NEB: variants seen among roughly 807,000 people sequenced by gnomAD.
NEB encodes the protein nebulin, also known as nemaline myopathy type 2.
Under a neutral mutation model 952.2 loss-of-function variants are expected in NEB, and 512 were observed. The ratio of observed to expected loss-of-function variants is 0.54; its 90% CI spans 0.50 to 0.58. The LOEUF is 0.58. Among genes scored for constraint, NEB ranks in the 20% least tolerant of loss-of-function variants. The probability of loss-of-function intolerance (pLI) is 0.00; values close to 1 mark genes in which losing one functional copy is unlikely to be tolerated. For synonymous variants in NEB, 2,900 were observed against 3,149.8 expected (o/e 0.92, Z 2.66); for missense variants, 8,428 against 9,231.1 (o/e 0.91, Z 3.56).
intron 41 of NEB, among the ~76,000 whole-genome samples, chr2:151,665,745 C>A (rs148330973): frequency 3.9e-5 from 6 of 152,046 alleles, no homozygotes; most frequent in Non-Finnish European, 8.8e-5. Context: ...CCTGACCCAG[C>A]AATTCCTTTA....
intron 177 of NEB, 30 bp downstream of exon 177, chr2:151,492,357 C>T: frequency 6.3e-7 from 1 of 1,587,788 alleles, no homozygotes. Flanking sequence ...TGACAGGCAG[C>T]CAGCCAATCC....
At chr2:151,657,925 C>T in intron 48 of NEB, 58 bp downstream of exon 48, 2 of 1,218,420 alleles carry the variant, frequency 1.6e-6, no homozygotes, top group African/African-American at 1.5e-5. Context: ...GAACTCAGCC[C>T]TTATTATTTC....
rs527519394 is a variant in NEB, at chr2:151,527,205, G to T, written c.21841-183C>A. 3.3e-5 allele frequency among the ~76,000 whole-genome samples: 5 copies of T among 151,518 alleles called. No individual in the cohort carries two copies. The East Asian group carries it at 9.7e-4, about 29-fold the overall frequency. ...TCCTCCTTTTCAGCCTAGCTGCCAG[G>T]ACCAAGCCCCTCCATCCCCAGTCTT... On this transcript the variant is annotated intron_variant, in intron 147 of 181. Coordinates refer to ENST00000397345, the MANE Select transcript of NEB (RefSeq NM_001164508.2).
At chr2:151,565,891 A>C in intron 114 of NEB, 71 bp from the exon 115 acceptor site, 2 of 1,001,274 alleles carry the variant, frequency 2.0e-6, no homozygotes, top group Non-Finnish European at 3.0e-6. Context: ...GGCAGGTTAC[A>C]ATTTTTTCAG....
rs761933895 is a variant in NEB, at chr2:151,547,516, G to A, written c.20280C>T (p.Asp6760=). 4.4e-6 allele frequency: 7 copies of A among 1,605,110 alleles called. No individual in the cohort carries two copies. In the East Asian group the frequency reaches 1.3e-4, roughly 31 times the overall value. ...EAVSELIYKS[D]FFKMQGHMIS... ...TCATGTGGCCCTGCATCTTGAAGAA[G>A]TCTGATTTGTAGATCAACTAAAGAA... The change falls in exon 133 of 182, where the codon GAC becomes GAT. Residue 6760 remains aspartate (D), a synonymous_variant. Transcript: ENST00000397345.
rs1248769707 is a variant in NEB at position 151,583,954 on chromosome 2, G to C, written c.15664-188C>G. On this transcript the variant is annotated intron_variant, in intron 100 of 181. Coordinates refer to ENST00000397345, the MANE Select transcript of NEB (RefSeq NM_001164508.2). The stretch of plus-strand genomic sequence containing the variant: ...TACGATTTTGGGTCATTTCAGAGAG[G>C]ACATGAGTAAATCAGGAGGGAGATG... Among the ~76,000 whole-genome samples, 3 of 126,036 alleles carry C rather than the reference G, an allele frequency of 2.4e-5. 1 individual carries two copies. The highest frequency in any genetic ancestry group is 5.1e-5 in the Non-Finnish European group (3 of 58,782). 82.7% of individuals were successfully genotyped at this position (126,036 alleles called of 152,430 possible).
At chr2:151,507,901 A>G in intron 162 of NEB, 104 bp downstream of exon 162, 1 of 753,012 alleles carries the variant, frequency 1.3e-6, no homozygotes. Flanking sequence ...GGAGTTGTGG[A>G]GGGCTGCACA....
intron 105 of NEB, among the ~76,000 whole-genome samples, chr2:151,577,203 G>A (rs750555338): frequency 6.6e-6 from 1 of 152,122 alleles, no homozygotes; most frequent in Non-Finnish European, 1.5e-5. Context: ...TCGGTCATAG[G>A]ATAAACATCA....
At chr2:151,509,887 C>T (rs1037224995) in intron 161 of NEB, among the ~76,000 whole-genome samples, 1 of 152,174 alleles carries the variant, frequency 6.6e-6, no homozygotes, top group African/African-American at 2.4e-5. Context: ...GGATTACAGG[C>T]GCGAGCCACT....
intron 107 of NEB, among the ~76,000 whole-genome samples, chr2:151,571,583 T>C (rs2096629494): frequency 1.3e-5 from 2 of 152,248 alleles, no homozygotes; most frequent in Non-Finnish European, 2.9e-5. Context: ...TAATGATCCA[T>C]ATCATTTGGT....
rs763607902 is a variant in NEB at position 151,663,620 on chromosome 2, G to C, written c.5691C>G (p.Ile1897Met). ...VATNANYRNV[I>M]HTYNMLPDAM... ...CATCAGGAAGCATGTTGTAGGTATGGATCACGTTCCTGTAGTTGGCATTGG... is the reference window on the plus strand; with the variant it reads ...CATCAGGAAGCATGTTGTAGGTATGCATCACGTTCCTGTAGTTGGCATTGG... The change falls in exon 45 of 182, where the codon ATC (isoleucine) becomes ATG (methionine). Residue 1897 changes from isoleucine (I) to methionine (M), a missense_variant. Ile to Met is a conservative substitution (Grantham distance 10, BLOSUM62 1). Transcript: ENST00000397345. 6.2e-7 allele frequency: 1 copy of C among 1,613,806 alleles called. No homozygotes were observed. The highest frequency in any genetic ancestry group is 2.2e-5 in the East Asian group (1 of 44,872).
intron 7 of NEB, 84 bp from the exon 8 acceptor site, chr2:151,724,448 GGCAT>G: frequency 1.9e-6 from 2 of 1,043,234 alleles, no homozygotes; most frequent in Non-Finnish European, 2.9e-6. Context: ...GACTCATGAA[GGCAT>G]GCTTGCTCAG....
intron 13 of NEB, among the ~76,000 whole-genome samples, chr2:151,705,778 G>A (rs753001657): frequency 1.2e-4 from 18 of 152,126 alleles, no homozygotes; most frequent in Non-Finnish European, 1.8e-4. Flanking sequence ...AAAGCAACTT[G>A]AATGGAGCTG....
intron 146 of NEB, 111 bp downstream of exon 146, chr2:151,529,099 T>C (rs558500998): frequency 2.4e-5 from 18 of 749,660 alleles, no homozygotes; most frequent in Non-Finnish European, 3.8e-5. Context: ...GACTCTTGCT[T>C]TGGAATCAAT....
chr2:151,651,324 A>G (rs2099027011), intron 52 of NEB, among the ~76,000 whole-genome samples: 1 of 152,224 alleles, frequency 6.6e-6, no homozygotes, highest in South Asian at 2.1e-4. Context: ...TTGGGGTTGT[A>G]TTTAATACAG....
At chr2:151,620,363 A>G (rs1234718074) in intron 72 of NEB, among the ~76,000 whole-genome samples, 18 of 74,756 alleles carry the variant, frequency 2.4e-4, no homozygotes, top group African/African-American at 7.1e-4. Flanking sequence ...ATATATATAT[A>G]TATATATATA....
chr2:151,544,257 C>T (rs2094448623), intron 135 of NEB, among the ~76,000 whole-genome samples: 1 of 152,124 alleles, frequency 6.6e-6, no homozygotes, highest in Non-Finnish European at 1.5e-5. Context: ...TAATTCTGAG[C>T]CCAGAAAGCC....
intron 70 of NEB, among the ~76,000 whole-genome samples, chr2:151,626,114 C>CTTTTTTTTTTTTTT (rs745887781): frequency 7.2e-6 from 1 of 138,890 alleles, no homozygotes; most frequent in African/African-American, 2.6e-5. Flanking sequence ...TTGCATCTTT[C>CTTTTTTTTTTTTTT]TTTTTTTTTT....
chr2:151,526,387 T>G, intron 148 of NEB, 125 bp from the exon 149 acceptor site: 3 of 715,866 alleles, frequency 4.2e-6, no homozygotes, highest in Non-Finnish European at 4.8e-6. Flanking sequence ...ATGTGATACT[T>G]GCAAATTTTG....
Sources: gnomAD v4.1 joint callset for allele counts (sites outside exome capture counted in the v4.1 genomes callset) on GRCh38, gnomAD v4.1.1 for gene constraint, MANE v1.5 for transcripts, NCBI Gene and HGNC (gene_info 2026-07-23, HGNC 2026-07-21) for gene names.